The following DYNC2I2 variants were observed in gnomAD, a reference collection of about 807,000 sequenced individuals.
DYNC2I2 encodes dynein 2 intermediate chain 2.
In DYNC2I2, 39 loss-of-function variants were observed where a neutral mutation model predicts 52.0. That is an observed-to-expected ratio of 0.75 (90% CI 0.58 to 0.98). DYNC2I2 has a LOEUF of 0.98. DYNC2I2 is among the 50% of genes least tolerant of loss of function. DYNC2I2 has a pLI of 0.00. For missense variants in DYNC2I2, 743 were observed against 728.4 expected, an observed-to-expected ratio of 1.02 and a Z score of -0.23; for synonymous variants, 359 against 321.1, an observed-to-expected ratio of 1.12 and a Z score of -1.26.
Position 128,636,974 on chromosome 9 carries a change from A to G in DYNC2I2, c.489T>C (p.His163=), listed in dbSNP as rs1454629709. 1.2e-6 allele frequency: 2 copies of G among 1,613,400 alleles called. No homozygotes were observed. The highest frequency in any genetic ancestry group is 8.5e-7 in the Non-Finnish European group (1 of 1,180,012). The change falls in exon 3 of 9, where the codon CAT becomes CAC. Residue 163 remains histidine (H), a synonymous_variant. Coordinates refer to ENST00000372715, the MANE Select transcript of DYNC2I2 (RefSeq NM_052844.4). ...TGGAGTTCCAGGAGATGCTGGTCAC[A>G]TGCAGACCCTGCGCTTGGGCTGGCG... ...GYPPAQAQGL[H]VTSISWNSTG...
the DYNC2I2 span, chr9:128,663,649 C>CTTTTTT: frequency 2.6e-5 from 2 of 77,102 alleles, no homozygotes; most frequent in Non-Finnish European, 5.3e-5. Context: ...TAGTTTTTTT[C>CTTTTTT]TTTTTTTTTT....
At chr9:128,672,741 T>C in the DYNC2I2 span, among the ~76,000 whole-genome samples, 5 of 152,010 alleles carry the variant, frequency 3.3e-5, no homozygotes, top group African/African-American at 1.2e-4. Context: ...AAAACCCTTT[T>C]TATTGGCCGG....
the DYNC2I2 span, chr9:128,683,847 C>T: frequency 6.1e-6 from 9 of 1,477,602 alleles, no homozygotes; most frequent in African/African-American, 5.6e-5. Flanking sequence ...AGCCTGCTTC[C>T]GGACGGGCGA....
intron 1 of DYNC2I2, among the ~76,000 whole-genome samples, chr9:128,655,810 C>A (rs553097790): frequency 6.7e-6 from 1 of 149,440 alleles, no homozygotes; most frequent in African/African-American, 2.5e-5. Context: ...ACTGGGGAGG[C>A]TGGGGCAGGA....
chr9:128,655,827 CG>C (rs1172029215), intron 1 of DYNC2I2, among the ~76,000 whole-genome samples: 1 of 145,950 alleles, frequency 6.9e-6, no homozygotes, highest in Non-Finnish European at 1.5e-5. Flanking sequence ...AGGAGAATGG[CG>C]TGAACCTGGG....
At chr9:128,663,971 T>C in the DYNC2I2 span, among the ~76,000 whole-genome samples, 2 of 143,154 alleles carry the variant, frequency 1.4e-5, no homozygotes, top group Non-Finnish European at 3.1e-5. Context: ...TTTTTTTTTT[T>C]TTTGAGACGG....
chr9:128,637,415 A>G (rs951462324), intron 2 of DYNC2I2, among the ~76,000 whole-genome samples: 8 of 152,204 alleles, frequency 5.3e-5, no homozygotes, highest in South Asian at 2.1e-4. Flanking sequence ...CTACACGCAC[A>G]TGATTTTTTG....
the DYNC2I2 span, among the ~76,000 whole-genome samples, chr9:128,681,282 G>A: frequency 6.6e-6 from 1 of 151,794 alleles, no homozygotes; most frequent in Non-Finnish European, 1.5e-5. Flanking sequence ...GTAGAGACAG[G>A]GTTTCACCAT....
chr9:128,635,336 C>T (rs1860375285), intron 5 of DYNC2I2, 77 bp from the exon 6 acceptor site: 4 of 1,493,884 alleles, frequency 2.7e-6, no homozygotes, highest in Admixed American at 4.7e-5. Context: ...CCTACCCTCC[C>T]TCTCTTCCAG....
At chr9:128,665,259 G>A in the DYNC2I2 span, among the ~76,000 whole-genome samples, 1 of 151,634 alleles carries the variant, frequency 6.6e-6, no homozygotes, top group Non-Finnish European at 1.5e-5. Flanking sequence ...CACCATGTTG[G>A]TCAGGCTGGT....
chr9:128,649,165 G>A (rs977076134), intron 1 of DYNC2I2, among the ~76,000 whole-genome samples: 1 of 152,218 alleles, frequency 6.6e-6, no homozygotes, highest in Admixed American at 6.6e-5. Flanking sequence ...GTTAAAACGG[G>A]CCAGAGATGG....
the DYNC2I2 span, among the ~76,000 whole-genome samples, chr9:128,668,596 G>A: frequency 4.0e-5 from 6 of 151,798 alleles, no homozygotes; most frequent in Non-Finnish European, 7.4e-5. Context: ...GCTGAGATGG[G>A]TGGATCACAA....
At position 128,636,333 on chromosome 9, in the gene DYNC2I2, G is replaced by T; in HGVS notation, c.651C>A (p.Pro217=). The change falls in exon 4 of 9, where the codon CCC becomes CCA. Residue 217 remains proline, a synonymous_variant. Transcript: ENST00000372715. ...GGAAGGCCAGACACAGGACAGCGCTGGGGACCTCCACCACGGCCGACGGCT... is the reference window on the plus strand; with the variant it reads ...GGAAGGCCAGACACAGGACAGCGCTTGGGACCTCCACCACGGCCGACGGCT... ...PQQPSAVVEV[P]SAVLCLAFHP... 2 of 1,599,480 alleles carry T rather than the reference G, an allele frequency of 1.3e-6. No homozygotes were observed. Among genetic ancestry groups the T allele is most frequent in the East Asian group, 4.5e-5 (2 of 44,146 alleles).
chr9:128,679,918 G>A, the DYNC2I2 span, among the ~76,000 whole-genome samples: 1 of 152,102 alleles, frequency 6.6e-6, no homozygotes. Flanking sequence ...AAATACACTG[G>A]TATAGCAATC....
In DYNC2I2 at chr9:128,640,931, G is replaced by A. The variant is rs772579459; in HGVS notation, c.195C>T (p.Cys65=). 4 of 1,588,720 alleles carry A rather than the reference G, an allele frequency of 2.5e-6. No individual in the cohort carries two copies. Among genetic ancestry groups the A allele is most frequent in the Non-Finnish European group, 3.4e-6 (4 of 1,164,558 alleles). ...VQGIRWETKS[C]QTASIATASA... ...TGGCAGTGGCAATGCTGGCCGTCTGGCAACTTTTCTGGGGGGAGGGTGAAA... is the reference window on the plus strand; with the variant it reads ...TGGCAGTGGCAATGCTGGCCGTCTGACAACTTTTCTGGGGGGAGGGTGAAA... The change falls in exon 2 of 9, where the codon TGC becomes TGT. Residue 65 remains cysteine (C), a synonymous_variant. Transcript: ENST00000372715.
chr9:128,675,168 T>C, the DYNC2I2 span, among the ~76,000 whole-genome samples: 1 of 151,972 alleles, frequency 6.6e-6, no homozygotes, highest in East Asian at 1.9e-4. Flanking sequence ...CTTTGAGTCT[T>C]TATTTATTTT....
chr9:128,668,915 T>C, the DYNC2I2 span, among the ~76,000 whole-genome samples: 1 of 150,782 alleles, frequency 6.6e-6, no homozygotes, highest in South Asian at 2.1e-4. Context: ...GGTCAAAATA[T>C]GCTAAGGAGT....
At chr9:128,634,452 C>A in intron 7 of DYNC2I2, 69 bp from the exon 8 acceptor site, 1 of 1,510,280 alleles carries the variant, frequency 6.6e-7, no homozygotes, top group Non-Finnish European at 8.9e-7. Flanking sequence ...GCCCCCAACA[C>A]CAGACCCCTC....
rs1312997914 is a variant in DYNC2I2, at chr9:128,656,625, C to T, written c.102G>A (p.Arg34=). ...VGVASGPGPG[R]PGPLQDETLG... ...GGGTCTCGTCCTGCAGCGGCCCTGG[C>T]CGCCCCGGCCCCGGGCCGCTCGCAA... is the stretch of plus-strand genomic sequence containing the variant. The change falls in exon 1 of 9, where the codon CGG becomes CGA. Residue 34 remains arginine, a synonymous_variant. Transcript: ENST00000372715. 1.3e-6 allele frequency: 2 copies of T among 1,498,132 alleles called. No individual in the cohort carries two copies. The highest frequency in any genetic ancestry group is 1.8e-6 in the Non-Finnish European group (2 of 1,131,488). 92.8% of individuals were successfully genotyped at this position (1,498,132 alleles called of 1,614,324 possible). A position where few individuals can be genotyped will look rare whatever the true frequency, so the allele number is the denominator to read the frequency against.
Sources: allele counts gnomAD v4.1 joint callset (sites outside exome capture counted in the v4.1 genomes callset), GRCh38; gene constraint gnomAD v4.1.1; transcripts MANE v1.5; gene names NCBI Gene and HGNC (gene_info 2026-07-23, HGNC 2026-07-21).